The following TEX10 variants were observed in gnomAD, a reference collection of about 807,000 sequenced individuals.
The protein encoded by TEX10 is testis-expressed protein 10.
TEX10 carries 24 observed loss-of-function variants against 104.4 expected under a neutral mutation model. The ratio of observed to expected loss-of-function variants is 0.23; its 90% CI spans 0.17 to 0.32. TEX10 has a LOEUF of 0.32. Among genes scored for constraint, TEX10 ranks in the 10% least tolerant of loss-of-function variants. TEX10 has a pLI of 1.00. For missense variants in TEX10, 921 were observed against 1,083.9 expected (o/e 0.85, Z 2.11); for synonymous variants, 396 against 393.4 (o/e 1.01, Z -0.08).
Position 100,333,640 on chromosome 9 carries a change from A to T in TEX10, c.1251-3471T>A, listed in dbSNP as rs1445902226. Reference sequence around the variant, plus strand: ...CAACATAAGAAGACCCCATCATAAAAAAAAAAAAAAAAAAAACCACAACAA... The same window carrying T: ...CAACATAAGAAGACCCCATCATAAATAAAAAAAAAAAAAAAACCACAACAA... On this transcript the variant is annotated intron_variant, in intron 5 of 14. Coordinates refer to ENST00000374902, the MANE Select transcript of TEX10 (RefSeq NM_017746.4). Among the ~76,000 whole-genome samples the T allele has an allele frequency of 1.2e-4, 6 of 49,438 alleles. No homozygotes were observed. The Admixed American group carries it at 1.7e-3, about 14-fold the overall frequency. 32.4% of individuals were successfully genotyped at this position (49,438 alleles called of 152,430 possible). A position where few individuals can be genotyped will look rare whatever the true frequency, so the allele number is the denominator to read the frequency against.
intron 1 of TEX10, among the ~76,000 whole-genome samples, chr9:100,350,856 A>G (rs1835422842): frequency 6.6e-6 from 1 of 152,180 alleles, no homozygotes; most frequent in African/African-American, 2.4e-5. Flanking sequence ...AGGATTTCCC[A>G]CAGGTTAAGA....
intron 11 of TEX10, among the ~76,000 whole-genome samples, chr9:100,314,889 T>C (rs1009947403): frequency 1.1e-4 from 17 of 152,202 alleles, no homozygotes; most frequent in African/African-American, 4.1e-4. Flanking sequence ...TTTTCCTGTA[T>C]CTCATGGGTT....
At position 100,327,853 on chromosome 9, in the gene TEX10, T is replaced by C. The variant is rs1254808010; in HGVS notation, c.1735A>G (p.Thr579Ala). ...LSTQLIDIIH[T>A]AAARANKELL... ...TCTTTATTTGCTCGTGCTGCAGCGG[T>C]ATGAATGATATCGATAAGCTGTGTA... The change falls in exon 8 of 15, where the codon ACC becomes GCC. Residue 579 changes from threonine to alanine, a missense_variant. Physicochemically the swap from Thr to Ala is moderately conservative, Grantham distance 58. Transcript: ENST00000374902. 1 of 1,607,034 alleles carries C rather than the reference T, an allele frequency of 6.2e-7. No individual in the cohort carries two copies. The highest frequency in any genetic ancestry group is 8.5e-7 in the Non-Finnish European group (1 of 1,175,152).
chr9:100,331,792 A>C (rs769463684), intron 5 of TEX10, among the ~76,000 whole-genome samples: 13 of 152,204 alleles, frequency 8.5e-5, no homozygotes, highest in Admixed American at 5.9e-4. Context: ...ATAAACAAAG[A>C]AGCAGCACTC....
At chr9:100,308,290 G>A (rs1486888794) in intron 13 of TEX10, among the ~76,000 whole-genome samples, 1 of 152,002 alleles carries the variant, frequency 6.6e-6, no homozygotes, top group Non-Finnish European at 1.5e-5. Context: ...TAACTTAAAG[G>A]GGAAAGAACA....
chr9:100,339,402 G>A (rs1361555430), intron 5 of TEX10, among the ~76,000 whole-genome samples: 1 of 145,444 alleles, frequency 6.9e-6, no homozygotes, highest in Non-Finnish European at 1.5e-5. Flanking sequence ...GCTTAGGAGG[G>A]CAAGGTACAA....
intron 11 of TEX10, among the ~76,000 whole-genome samples, chr9:100,317,682 A>G (rs1403225774): frequency 6.6e-6 from 1 of 152,194 alleles, no homozygotes; most frequent in Non-Finnish European, 1.5e-5. Context: ...TAACTACCTA[A>G]GCAAACAGAA....
At chr9:100,311,750 G>A (rs1319966762) in intron 11 of TEX10, among the ~76,000 whole-genome samples, 4 of 152,068 alleles carry the variant, frequency 2.6e-5, no homozygotes, top group Non-Finnish European at 2.9e-5. Context: ...GAAGAGTCAA[G>A]AACAGTACTA....
At chr9:100,328,998 A>G in intron 7 of TEX10, 142 bp downstream of exon 7, 2 of 935,698 alleles carry the variant, frequency 2.1e-6, no homozygotes, top group South Asian at 3.8e-5. Context: ...TTAAAATTTT[A>G]TACCATTTCT....
rs1408589012 is a variant in TEX10 at position 100,326,435 on chromosome 9, G to T, written c.1846C>A (p.Gln616Lys). ...AAATATACAAGCTGAACCAAACGCTGCTGAGAGTCTGCAGGGAGAACCACC... is the reference window on the plus strand; with the variant it reads ...AAATATACAAGCTGAACCAAACGCTTCTGAGAGTCTGCAGGGAGAACCACC... ...AVVVLPADSQQRLVQLVYFLP... is the reference protein window; with the variant it reads ...AVVVLPADSQKRLVQLVYFLP... The change falls in exon 9 of 15, where the codon CAG (glutamine) becomes AAG (lysine). Residue 616 changes from glutamine to lysine, a missense_variant. By Grantham distance (53) the Gln-to-Lys change is moderately conservative. This residue lies in a region of TEX10 where 753 missense variants were observed against 868.4 expected (regional missense o/e 0.87). Coordinates refer to ENST00000374902, the MANE Select transcript of TEX10 (RefSeq NM_017746.4). 6.2e-7 allele frequency: 1 copy of T among 1,613,894 alleles called. No homozygotes were observed. Among genetic ancestry groups the T allele is most frequent in the Admixed American group, 1.7e-5 (1 of 59,974 alleles).
At chr9:100,352,628 G>T (rs1439381829) in intron 1 of TEX10, 144 bp downstream of exon 1, 15 of 1,463,598 alleles carry the variant, frequency 1.0e-5, no homozygotes, top group Non-Finnish European at 1.3e-5. Flanking sequence ...CCAGCTCGGA[G>T]GGACGCCGCG....
intron 5 of TEX10, among the ~76,000 whole-genome samples, chr9:100,338,679 G>C (rs1835074059): frequency 6.6e-6 from 1 of 152,158 alleles, no homozygotes; most frequent in Non-Finnish European, 1.5e-5. Context: ...CACGAGGTAA[G>C]GAGTTTGAGA....
intron 8 of TEX10, among the ~76,000 whole-genome samples, 193 bp from the exon 9 acceptor site, chr9:100,326,672 T>C (rs1834713058): frequency 6.6e-6 from 1 of 152,140 alleles, no homozygotes; most frequent in South Asian, 2.1e-4. Flanking sequence ...AGCTACTGCA[T>C]AAAATAAAAC....
In TEX10 at chr9:100,352,838, G is replaced by C; in HGVS notation, c.-76C>G. 2.0e-6 allele frequency: 2 copies of C among 1,022,500 alleles called. No homozygotes were observed. The highest frequency in any genetic ancestry group is 2.3e-6 in the Non-Finnish European group (2 of 855,832). 63.3% of individuals were successfully genotyped at this position (1,022,500 alleles called of 1,614,324 possible). A position where few individuals can be genotyped will look rare whatever the true frequency, so the allele number is the denominator to read the frequency against. ...CAAGCGAGGGAGCAGAAGCCCACGG[G>C]GCAACAGCGTGCGCCGCCGACCTCA... On this transcript the variant is annotated 5_prime_UTR_variant, in exon 1 of 15. Transcript: ENST00000374902.
chr9:100,329,343 A>G, intron 6 of TEX10, 68 bp from the exon 7 acceptor site: 1 of 1,554,858 alleles, frequency 6.4e-7, no homozygotes, highest in East Asian at 2.3e-5. Flanking sequence ...AATTCCTCTG[A>G]ATGCACCGAA....
intron 11 of TEX10, among the ~76,000 whole-genome samples, chr9:100,316,465 GA>G (rs1158008170): frequency 1.3e-5 from 2 of 152,098 alleles, no homozygotes; most frequent in Non-Finnish European, 2.9e-5. Context: ...GTAAGAAATG[GA>G]ACAAGACAAG....
intron 13 of TEX10, chr9:100,304,113 G>T: frequency 2.1e-6 from 1 of 484,440 alleles, no homozygotes. Context: ...ACAGATAAAT[G>T]GAAAAACATT....
chr9:100,322,868 G>C (rs149920461), intron 9 of TEX10, among the ~76,000 whole-genome samples: 2 of 152,018 alleles, frequency 1.3e-5, no homozygotes, highest in Non-Finnish European at 2.9e-5. Context: ...CACCTGCCTC[G>C]GTCTCCCAGA....
intron 5 of TEX10, among the ~76,000 whole-genome samples, chr9:100,332,515 G>A (rs980401050): frequency 6.6e-6 from 1 of 152,156 alleles, no homozygotes; most frequent in African/African-American, 2.4e-5. Flanking sequence ...AGGTAGTATA[G>A]GTAATTATAA....
Sources: allele counts gnomAD v4.1 joint callset (sites outside exome capture counted in the v4.1 genomes callset), GRCh38; gene constraint gnomAD v4.1.1; regional missense constraint gnomAD v4.1.1; transcripts MANE v1.5; gene names NCBI Gene and HGNC (gene_info 2026-07-23, HGNC 2026-07-21).